Variants in RNLS observed in about 807,000 individuals in gnomAD.
The protein encoded by RNLS is renalase.
A neutral mutation model predicts 39.8 loss-of-function variants in RNLS; 39 were observed. That is an observed-to-expected ratio of 0.98 (90% confidence interval 0.76 to 1.28). The LOEUF (loss-of-function observed/expected upper bound fraction) is 1.28, where lower values mean the gene tolerates loss of function less well. Among genes scored for constraint, RNLS ranks in the 50% most tolerant of loss-of-function variants. The pLI, the probability that RNLS is intolerant of heterozygous loss-of-function variation, is 0.00. For missense variants in RNLS, 410 were observed against 413.3 expected, an observed-to-expected ratio of 0.99 and a Z score of 0.07; for synonymous variants, 147 against 150.7, an observed-to-expected ratio of 0.98 and a Z score of 0.18.
the RNLS span, among the ~76,000 whole-genome samples, chr10:88,267,005 C>T: frequency 6.6e-6 from 1 of 152,166 alleles, no homozygotes; most frequent in South Asian, 2.1e-4. Flanking sequence ...AGCCAGTCCT[C>T]CTTCCCTCCT....
At chr10:88,415,033 C>T (rs1477387550) in intron 4 of RNLS, among the ~76,000 whole-genome samples, 1 of 152,088 alleles carries the variant, frequency 6.6e-6, no homozygotes, top group African/African-American at 2.4e-5. Context: ...AGAAAGCGCA[C>T]AGATACTGTA....
intron 4 of RNLS, among the ~76,000 whole-genome samples, chr10:88,542,069 G>A (rs1848076669): frequency 6.6e-6 from 1 of 152,098 alleles, no homozygotes; most frequent in African/African-American, 2.4e-5. Flanking sequence ...CCTTTCCACT[G>A]AGTTTCTGTT....
chr10:88,470,252 T>A (rs1054556189), intron 4 of RNLS, among the ~76,000 whole-genome samples: 3 of 152,112 alleles, frequency 2.0e-5, no homozygotes, highest in Non-Finnish European at 4.4e-5. Flanking sequence ...GGGTTTGCTG[T>A]ACAGATTATT....
chr10:88,243,481 T>G, the RNLS span, among the ~76,000 whole-genome samples: 1 of 152,260 alleles, frequency 6.6e-6, no homozygotes, highest in African/African-American at 2.4e-5. Flanking sequence ...CATTTTTTTG[T>G]GAACCCTTTT....
intron 4 of RNLS, among the ~76,000 whole-genome samples, chr10:88,571,756 C>A (rs76797015): frequency 6.6e-6 from 1 of 152,208 alleles, no homozygotes; most frequent in Admixed American, 6.5e-5. Flanking sequence ...AGACTCCTCA[C>A]ATGTGCCTTT....
chr10:88,444,450 A>C (rs1180996619), intron 4 of RNLS, among the ~76,000 whole-genome samples: 2 of 152,260 alleles, frequency 1.3e-5, no homozygotes, highest in East Asian at 3.8e-4. Flanking sequence ...CCTCACCAGC[A>C]ACAGAACAAA....
intron 4 of RNLS, among the ~76,000 whole-genome samples, chr10:88,474,875 C>A (rs1233355575): frequency 6.6e-6 from 1 of 152,082 alleles, no homozygotes; most frequent in Non-Finnish European, 1.5e-5. Context: ...TTATTAAGGC[C>A]AGACTCCTGA....
At chr10:88,423,867 G>A (rs1357420759) in intron 4 of RNLS, among the ~76,000 whole-genome samples, 5 of 152,306 alleles carry the variant, frequency 3.3e-5, no homozygotes, top group African/African-American at 1.2e-4. Flanking sequence ...ATCCACTACA[G>A]AATGTTGTGG....
chr10:88,334,454 TA>T (rs1468980770), intron 5 of RNLS, among the ~76,000 whole-genome samples: 1 of 152,142 alleles, frequency 6.6e-6, no homozygotes, highest in Admixed American at 6.5e-5. Flanking sequence ...TGGCACACAA[TA>T]AGTGCTCATC....
intron 5 of RNLS, among the ~76,000 whole-genome samples, chr10:88,318,401 T>A (rs888162183): frequency 6.6e-6 from 1 of 152,076 alleles, no homozygotes; most frequent in African/African-American, 2.4e-5. Flanking sequence ...GGAGAGGGAG[T>A]CATCCACCCC....
chr10:88,418,964 G>C (rs1854211405), intron 4 of RNLS, among the ~76,000 whole-genome samples: 1 of 152,106 alleles, frequency 6.6e-6, no homozygotes, highest in African/African-American at 2.4e-5. Flanking sequence ...ACTTTGCTCT[G>C]AGAGCCTGGC....
the RNLS span, among the ~76,000 whole-genome samples, chr10:88,203,278 A>G: frequency 5.2e-5 from 1 of 19,320 alleles, no homozygotes; most frequent in African/African-American, 3.1e-4. Context: ...GTATATATAT[A>G]TATATATATA....
At chr10:88,558,741 T>C (rs1849006266) in intron 4 of RNLS, among the ~76,000 whole-genome samples, 1 of 151,856 alleles carries the variant, frequency 6.6e-6, no homozygotes, top group Non-Finnish European at 1.5e-5. Flanking sequence ...AAATAATAAA[T>C]TTAAAAAGAC....
At chr10:88,506,189 A>T (rs371305245) in intron 4 of RNLS, among the ~76,000 whole-genome samples, 3 of 152,262 alleles carry the variant, frequency 2.0e-5, no homozygotes, top group East Asian at 3.9e-4. Context: ...GTTCACAAAG[A>T]ACAAAAAAAG....
intron 4 of RNLS, among the ~76,000 whole-genome samples, chr10:88,509,707 A>T (rs1162989095): frequency 6.6e-6 from 1 of 151,920 alleles, no homozygotes; most frequent in Non-Finnish European, 1.5e-5. Flanking sequence ...GTTCTCTACC[A>T]AGCACATAAT....
chr10:88,379,452 T>TGTCA (rs1851281830), intron 4 of RNLS, among the ~76,000 whole-genome samples: 1 of 152,142 alleles, frequency 6.6e-6, no homozygotes, highest in South Asian at 2.1e-4. Flanking sequence ...CTTTCTTTTC[T>TGTCA]GTCACTCCTC....
At chr10:88,319,611 A>G (rs1846023304) in intron 5 of RNLS, among the ~76,000 whole-genome samples, 1 of 152,100 alleles carries the variant, frequency 6.6e-6, no homozygotes, top group Non-Finnish European at 1.5e-5. Flanking sequence ...GAACTTCTGG[A>G]ATGAAAAAAT....
At chr10:88,394,665 A>G (rs1852436361) in intron 4 of RNLS, among the ~76,000 whole-genome samples, 1 of 151,772 alleles carries the variant, frequency 6.6e-6, no homozygotes, top group South Asian at 2.1e-4. Flanking sequence ...AACTAGAAAT[A>G]CCATTTGACC....
intron 4 of RNLS, among the ~76,000 whole-genome samples, chr10:88,438,341 T>G (rs1255372840): frequency 1.3e-5 from 2 of 152,178 alleles, no homozygotes; most frequent in East Asian, 3.9e-4. Context: ...TCAATCAGTT[T>G]TAAAGACTGC....
Sources: allele counts gnomAD v4.1 joint callset (sites outside exome capture counted in the v4.1 genomes callset), GRCh38; gene constraint gnomAD v4.1.1; transcripts MANE v1.5; gene names NCBI Gene and HGNC (gene_info 2026-07-23, HGNC 2026-07-21).